The following CNTNAP2 variants were observed in gnomAD, a reference collection of about 807,000 sequenced individuals.
CNTNAP2 encodes contactin-associated protein-like 2.
Under a neutral mutation model 155.2 loss-of-function variants are expected in CNTNAP2, and 98 were observed. The ratio of observed to expected loss-of-function variants is 0.63; its 90% confidence interval spans 0.54 to 0.75. The LOEUF (loss-of-function observed/expected upper bound fraction) is 0.75. CNTNAP2 is among the 30% of genes least tolerant of loss of function. The pLI is 0.00. For synonymous variants in CNTNAP2, 651 were observed against 631.2 expected, an observed-to-expected ratio of 1.03 and a Z score of -0.47; for missense variants, 1,727 against 1,688.1, an observed-to-expected ratio of 1.02 and a Z score of -0.40.
intron 15 of CNTNAP2, among the ~76,000 whole-genome samples, chr7:148,074,071 G>A (rs1448982982): frequency 6.6e-6 from 1 of 152,146 alleles, no homozygotes; most frequent in Non-Finnish European, 1.5e-5. Flanking sequence ...TGTATAACCT[G>A]CACATAAAAG....
At chr7:146,206,508 A>G (rs1798948808) in intron 1 of CNTNAP2, among the ~76,000 whole-genome samples, 1 of 151,926 alleles carries the variant, frequency 6.6e-6, no homozygotes, top group Non-Finnish European at 1.5e-5. Flanking sequence ...GTCTAGACCC[A>G]AAAGGGAGGA....
chr7:147,190,121 C>T (rs1489002775), intron 8 of CNTNAP2, among the ~76,000 whole-genome samples: 1 of 152,112 alleles, frequency 6.6e-6, no homozygotes, highest in African/African-American at 2.4e-5. Context: ...TTGTCTGGCA[C>T]ATCATCTGTC....
chr7:147,659,573 C>G (rs1795581767), intron 13 of CNTNAP2, among the ~76,000 whole-genome samples: 1 of 152,028 alleles, frequency 6.6e-6, no homozygotes, highest in Non-Finnish European at 1.5e-5. Context: ...GCATGGAGTT[C>G]TACTGGAAAG....
At chr7:147,497,259 G>T (rs1161216650) in intron 11 of CNTNAP2, 2 of 152,146 alleles carry the variant, frequency 1.3e-5, no homozygotes, top group Admixed American at 1.3e-4. Flanking sequence ...TCATCACCCA[G>T]TTTCATCCCA....
chr7:147,729,277 C>T (rs931879391), intron 13 of CNTNAP2, among the ~76,000 whole-genome samples: 9 of 151,804 alleles, frequency 5.9e-5, no homozygotes, highest in African/African-American at 2.2e-4. Flanking sequence ...CCTTATCTCA[C>T]CTCAGGTGTC....
At chr7:148,137,691 AGG>A (rs1804985965) in intron 16 of CNTNAP2, among the ~76,000 whole-genome samples, 1 of 141,402 alleles carries the variant, frequency 7.1e-6, no homozygotes, top group African/African-American at 2.7e-5. Context: ...GAAGGAAGGA[AGG>A]AAGGAAGGAA....
At chr7:148,227,996 T>A (rs544117436) in intron 19 of CNTNAP2, among the ~76,000 whole-genome samples, 1 of 151,846 alleles carries the variant, frequency 6.6e-6, no homozygotes, top group East Asian at 2.0e-4. Flanking sequence ...TGGTGGGATT[T>A]CAGGTGACTT....
At chr7:147,638,871 T>G (rs1389437551) in intron 12 of CNTNAP2, 2 of 660,720 alleles carry the variant, frequency 3.0e-6, no homozygotes, top group East Asian at 5.7e-5. Context: ...TTGCCTTGCT[T>G]TCAGGAGGTA....
At chr7:147,405,436 T>C (rs1483085430) in intron 10 of CNTNAP2, among the ~76,000 whole-genome samples, 2 of 152,202 alleles carry the variant, frequency 1.3e-5, no homozygotes, top group Non-Finnish European at 1.5e-5. Flanking sequence ...TACAGACTCA[T>C]GGACATGTAC....
intron 10 of CNTNAP2, among the ~76,000 whole-genome samples, chr7:147,416,976 C>A (rs1797203855): frequency 6.6e-6 from 1 of 151,754 alleles, no homozygotes; most frequent in Non-Finnish European, 1.5e-5. Flanking sequence ...ATAATCCCAG[C>A]TACTCAGGAG....
intron 18 of CNTNAP2, among the ~76,000 whole-genome samples, chr7:148,217,071 C>T (rs187260726): frequency 4.6e-5 from 7 of 151,508 alleles, no homozygotes; most frequent in East Asian, 1.9e-4. Context: ...TTATTAGCAG[C>T]GTGGGAACAG....
At chr7:147,941,428 C>A (rs959465532) in intron 14 of CNTNAP2, among the ~76,000 whole-genome samples, 1 of 152,154 alleles carries the variant, frequency 6.6e-6, no homozygotes, top group Non-Finnish European at 1.5e-5. Context: ...CTCCTGCCAG[C>A]CCTAAAATAA....
At chr7:146,524,209 G>T (rs1797655953) in intron 1 of CNTNAP2, among the ~76,000 whole-genome samples, 1 of 152,046 alleles carries the variant, frequency 6.6e-6, no homozygotes, top group African/African-American at 2.4e-5. Flanking sequence ...CTCTTAAAAA[G>T]TTGCTATGAA....
chr7:146,175,154 G>T (rs1468152120), intron 1 of CNTNAP2, among the ~76,000 whole-genome samples: 5 of 152,184 alleles, frequency 3.3e-5, no homozygotes, highest in African/African-American at 1.2e-4. Flanking sequence ...AGATCATCTG[G>T]TCAGTAGTAA....
chr7:146,622,877 A>T (rs1351181900), intron 1 of CNTNAP2, among the ~76,000 whole-genome samples: 1 of 151,738 alleles, frequency 6.6e-6, no homozygotes, highest in Non-Finnish European at 1.5e-5. Flanking sequence ...GAATTGCTTG[A>T]ACTCGGCCAG....
At chr7:147,182,584 C>T (rs1270850232) in intron 8 of CNTNAP2, among the ~76,000 whole-genome samples, 1 of 151,894 alleles carries the variant, frequency 6.6e-6, no homozygotes, top group African/African-American at 2.4e-5. Context: ...TTACTAAACT[C>T]TACTCATTGC....
chr7:146,382,067 A>G (rs969894983), intron 1 of CNTNAP2, among the ~76,000 whole-genome samples: 1 of 152,180 alleles, frequency 6.6e-6, no homozygotes, highest in Non-Finnish European at 1.5e-5. Flanking sequence ...GCCTATTGAA[A>G]ATATCAAGAT....
chr7:147,433,832 A>C (rs578173872), intron 10 of CNTNAP2, among the ~76,000 whole-genome samples: 7 of 152,350 alleles, frequency 4.6e-5, no homozygotes, highest in African/African-American at 1.7e-4. Flanking sequence ...ATTTTCTTTG[A>C]TATGTCTTGT....
chr7:148,200,199 C>G (rs1339521117), intron 18 of CNTNAP2, among the ~76,000 whole-genome samples: 1 of 152,166 alleles, frequency 6.6e-6, no homozygotes, highest in Non-Finnish European at 1.5e-5. Flanking sequence ...TCAGGCCAGC[C>G]ACATTGACAC....
Sources: allele counts gnomAD v4.1 joint callset (sites outside exome capture counted in the v4.1 genomes callset), GRCh38; gene constraint gnomAD v4.1.1; transcripts MANE v1.5; gene names NCBI Gene and HGNC (gene_info 2026-07-23, HGNC 2026-07-21).